The following NTNG1 variants were observed in gnomAD, a reference collection of about 807,000 sequenced individuals.
NTNG1 encodes the protein netrin G1.
NTNG1 carries 16 observed loss-of-function variants against 54.0 expected under a neutral mutation model. The observed-to-expected ratio is 0.30, with a 90% CI of 0.20 to 0.45. NTNG1 has a LOEUF of 0.45. Among genes scored for constraint, NTNG1 ranks in the 20% least tolerant of loss-of-function variants. The pLI, the probability that NTNG1 is intolerant of heterozygous loss-of-function variation, is 1.00. For missense variants in NTNG1, 530 were observed against 678.7 expected, an observed-to-expected ratio of 0.78 and a Z score of 2.43; for synonymous variants, 255 against 263.1, an observed-to-expected ratio of 0.97 and a Z score of 0.30.
intron 3 of NTNG1, among the ~76,000 whole-genome samples, chr1:107,378,828 G>GC (rs1211984013): frequency 6.6e-6 from 1 of 152,088 alleles, no homozygotes; most frequent in African/African-American, 2.4e-5. Context: ...CTGCTTCCTG[G>GC]CAGGGTCCTG....
intron 2 of NTNG1, among the ~76,000 whole-genome samples, chr1:107,303,672 G>C (rs573484155): frequency 6.0e-4 from 91 of 150,594 alleles, no homozygotes; most frequent in Non-Finnish European, 1.2e-3. Context: ...TCTCTAATGA[G>C]TGTTTCTTTT....
At chr1:107,204,813 T>C (rs1417455260) in intron 2 of NTNG1, among the ~76,000 whole-genome samples, 1 of 152,138 alleles carries the variant, frequency 6.6e-6, no homozygotes, top group African/African-American at 2.4e-5. Flanking sequence ...GCAATCTCTG[T>C]ACATACCCTT....
chr1:107,473,771 G>A (rs17473915), intron 7 of NTNG1, among the ~76,000 whole-genome samples: 9,587 of 152,218 alleles, frequency 0.063, 397 homozygotes, highest in Middle Eastern at 0.1. Context: ...TATCTACCTT[G>A]TGGCTTGCTT....
At chr1:107,450,170 G>T (rs994314800) in intron 7 of NTNG1, among the ~76,000 whole-genome samples, 16 of 152,040 alleles carry the variant, frequency 1.1e-4, no homozygotes, top group African/African-American at 3.9e-4. Flanking sequence ...TTTGGACAAC[G>T]ACAGAATTTT....
At chr1:107,407,993 T>A in intron 5 of NTNG1, 1 of 622,352 alleles carries the variant, frequency 1.6e-6, no homozygotes, top group Non-Finnish European at 3.0e-6. Flanking sequence ...TAGATAATCA[T>A]CATTCAGGAA....
Position 107,395,151 on chromosome 1 carries a change from C to T in NTNG1, c.888-3C>T. ...ATGAACTCTTTGTCTCTCCTCTGCC[C>T]AGGTGCAAGTGTAATCTCCATGCCA... On this transcript the variant is annotated splice_region_variant and splice_polypyrimidine_tract_variant and intron_variant, in intron 3 of 7. Transcript: ENST00000370068. The T allele has an allele frequency of 6.2e-7, 1 of 1,611,398 alleles. No homozygotes were observed. The highest frequency in any genetic ancestry group is 8.5e-7 in the Non-Finnish European group (1 of 1,178,340).
chr1:107,145,584 C>A (rs1654042843), intron 1 of NTNG1, among the ~76,000 whole-genome samples: 2 of 152,030 alleles, frequency 1.3e-5, no homozygotes, highest in African/African-American at 4.8e-5. Flanking sequence ...TGCAGACTAA[C>A]TGAGCCATGC....
rs570261136 is a variant in NTNG1, at chr1:107,377,497, G to T, written c.888-17657G>T. 3.9e-5 allele frequency among the ~76,000 whole-genome samples: 6 copies of T among 152,282 alleles called. No homozygotes were observed. The South Asian group carries it at 8.3e-4, about 21-fold the overall frequency. On this transcript the variant is annotated intron_variant, in intron 3 of 7. Coordinates refer to ENST00000370068, the MANE Select transcript of NTNG1 (RefSeq NM_001113226.3). ...GGCCCAGGAGAAAAACAATGGCTCT[G>T]TTCAACCAGTACATTTAAGTCTGTC...
intron 2 of NTNG1, among the ~76,000 whole-genome samples, chr1:107,205,619 T>C (rs1485743524): frequency 6.6e-6 from 1 of 151,010 alleles, no homozygotes. Flanking sequence ...TAAAGCAGAC[T>C]TTTTTTTTAA....
At chr1:107,340,143 T>G (rs1240130562) in intron 3 of NTNG1, among the ~76,000 whole-genome samples, 1 of 152,102 alleles carries the variant, frequency 6.6e-6, no homozygotes, top group Non-Finnish European at 1.5e-5. Context: ...ATTCTCCTTA[T>G]TAATCATTTT....
chr1:107,323,317 G>C (rs1667760487), intron 2 of NTNG1, among the ~76,000 whole-genome samples: 1 of 152,062 alleles, frequency 6.6e-6, no homozygotes, highest in Non-Finnish European at 1.5e-5. Context: ...ATTTGCCATG[G>C]AATCTACTGA....
intron 2 of NTNG1, among the ~76,000 whole-genome samples, chr1:107,258,788 T>C (rs917974483): frequency 7.9e-5 from 12 of 152,320 alleles, no homozygotes; most frequent in African/African-American, 2.4e-4. Flanking sequence ...GTCAGCCCAC[T>C]TTGGCAGGCG....
intron 2 of NTNG1, among the ~76,000 whole-genome samples, chr1:107,212,365 C>T (rs529108713): frequency 1.3e-5 from 2 of 152,268 alleles, no homozygotes; most frequent in Middle Eastern, 6.8e-3. Context: ...CTTGAATCCT[C>T]ATAACAGCAC....
At chr1:107,265,099 G>A (rs1472521035) in intron 2 of NTNG1, among the ~76,000 whole-genome samples, 2 of 152,146 alleles carry the variant, frequency 1.3e-5, no homozygotes, top group African/African-American at 4.8e-5. Flanking sequence ...TAATGCTGGT[G>A]TGGTGATTGT....
intron 3 of NTNG1, among the ~76,000 whole-genome samples, chr1:107,370,917 T>G (rs1670885670): frequency 6.6e-6 from 1 of 152,134 alleles, no homozygotes; most frequent in African/African-American, 2.4e-5. Flanking sequence ...ATACAATTGA[T>G]TTTTGTATAT....
At chr1:107,327,930 A>T (rs1419151111) in intron 3 of NTNG1, among the ~76,000 whole-genome samples, 1 of 152,084 alleles carries the variant, frequency 6.6e-6, no homozygotes, top group Admixed American at 6.6e-5. Context: ...GTGTTTTTTA[A>T]TGGAAAAATA....
chr1:107,375,905 C>G (rs182934597), intron 3 of NTNG1, among the ~76,000 whole-genome samples: 1 of 152,300 alleles, frequency 6.6e-6, no homozygotes, highest in African/African-American at 2.4e-5. Flanking sequence ...CCACCTCATT[C>G]TTTCTGTTTA....
chr1:107,184,862 C>G (rs760504369), intron 2 of NTNG1, among the ~76,000 whole-genome samples: 4 of 152,170 alleles, frequency 2.6e-5, no homozygotes, highest in Non-Finnish European at 4.4e-5. Flanking sequence ...TTCTGTAGAT[C>G]AGGTATTCAG....
intron 2 of NTNG1, among the ~76,000 whole-genome samples, chr1:107,191,346 G>A (rs1657911290): frequency 6.6e-6 from 1 of 152,066 alleles, no homozygotes; most frequent in Admixed American, 6.5e-5. Context: ...CAGATGAGTA[G>A]GTTGCAAAAA....
Sources: gnomAD v4.1 joint callset for allele counts (sites outside exome capture counted in the v4.1 genomes callset) on GRCh38, gnomAD v4.1.1 for gene constraint, MANE v1.5 for transcripts, NCBI Gene and HGNC (gene_info 2026-07-23, HGNC 2026-07-21) for gene names.